Variants in SH3GL2 observed in about 807,000 individuals in gnomAD.
SH3GL2 encodes SH3 domain containing GRB2 like 2, endophilin A1, also known as endophilin-A1.
SH3GL2 carries 24 observed loss-of-function variants against 46.0 expected under a neutral mutation model. That is an observed-to-expected ratio of 0.52 (90% CI 0.38 to 0.73). The LOEUF (loss-of-function observed/expected upper bound fraction) is 0.73. Among genes scored for constraint, SH3GL2 ranks in the 30% least tolerant of loss-of-function variants. SH3GL2 has a pLI of 0.00. For synonymous variants in SH3GL2, 196 were observed against 147.1 expected (o/e 1.33, Z -2.40); for missense variants, 413 against 424.2 (o/e 0.97, Z 0.23).
At chr9:17,579,399 C>G (rs967360912) in intron 1 of SH3GL2, 112 bp downstream of exon 1, 5 of 520,868 alleles carry the variant, frequency 9.6e-6, no homozygotes, top group Middle Eastern at 4.9e-4. Context: ...GAGCCTCGCC[C>G]GCGCCGGCCG....
intron 1 of SH3GL2, among the ~76,000 whole-genome samples, chr9:17,717,359 C>T (rs1821788591): frequency 6.6e-6 from 1 of 152,086 alleles, no homozygotes; most frequent in Non-Finnish European, 1.5e-5. Context: ...TACTAACCTC[C>T]ATCCAAATTT....
chr9:17,701,744 T>C (rs1332806244), intron 1 of SH3GL2, among the ~76,000 whole-genome samples: 1 of 152,092 alleles, frequency 6.6e-6, no homozygotes, highest in Non-Finnish European at 1.5e-5. Context: ...TAGCTATAAA[T>C]GATATAATTT....
chr9:17,655,507 A>G (rs1482397288), intron 1 of SH3GL2, among the ~76,000 whole-genome samples: 2 of 152,196 alleles, frequency 1.3e-5, no homozygotes, highest in African/African-American at 4.8e-5. Flanking sequence ...TTATGCACCT[A>G]TATAAGTTGA....
intron 2 of SH3GL2, among the ~76,000 whole-genome samples, chr9:17,752,056 C>G (rs181599614): frequency 2.0e-5 from 3 of 152,302 alleles, no homozygotes; most frequent in African/African-American, 7.2e-5. Context: ...GCAATCACAG[C>G]ATTCTAATAA....
chr9:17,787,562 T>C, intron 5 of SH3GL2, 49 bp downstream of exon 5: 1 of 1,493,800 alleles, frequency 6.7e-7, no homozygotes, highest in Non-Finnish European at 9.2e-7. Context: ...ATCATACAGA[T>C]GCAGATGCCT....
chr9:17,660,324 T>C (rs1242642520), intron 1 of SH3GL2, among the ~76,000 whole-genome samples: 1 of 152,206 alleles, frequency 6.6e-6, no homozygotes, highest in Non-Finnish European at 1.5e-5. Flanking sequence ...CCTCAAGCTG[T>C]GTGTCTGTGG....
Position 17,621,171 on chromosome 9 carries a change from A to G in SH3GL2, c.45+41884A>G, listed in dbSNP as rs146234406. On this transcript the variant is annotated intron_variant, in intron 1 of 8. Transcript: ENST00000380607. ...AGTTGTATCATGATTTGGGTTATCA[A>G]TAATCTGTGAATGTATAGATTGTTG... 2.3e-3 allele frequency among the ~76,000 whole-genome samples: 347 copies of G among 152,328 alleles called. 2 individuals carry two copies. Among genetic ancestry groups the G allele is most frequent in the African/African-American group, 8.0e-3 (333 of 41,562 alleles).
At chr9:17,763,565 A>G (rs1453474513) in intron 3 of SH3GL2, among the ~76,000 whole-genome samples, 1 of 152,152 alleles carries the variant, frequency 6.6e-6, no homozygotes, top group Non-Finnish European at 1.5e-5. Flanking sequence ...GACATGAGGA[A>G]GGATTCTCTC....
chr9:17,612,944 C>T (rs187069612), intron 1 of SH3GL2, among the ~76,000 whole-genome samples: 148 of 152,220 alleles, frequency 9.7e-4, no homozygotes, highest in African/African-American at 3.3e-3. Context: ...TGAAATAATA[C>T]AATATATGGT....
chr9:17,680,199 G>T (rs904869806), intron 1 of SH3GL2, among the ~76,000 whole-genome samples: 10 of 152,170 alleles, frequency 6.6e-5, no homozygotes, highest in Admixed American at 6.5e-4. Flanking sequence ...GTTTCAGATG[G>T]AATGGTACCA....
intron 1 of SH3GL2, among the ~76,000 whole-genome samples, chr9:17,682,713 A>G (rs1187154828): frequency 2.0e-5 from 3 of 152,032 alleles, no homozygotes; most frequent in Admixed American, 6.6e-5. Flanking sequence ...ACATGGGCTT[A>G]AATAGGACAC....
chr9:17,697,446 A>G (rs998981753), intron 1 of SH3GL2, among the ~76,000 whole-genome samples: 1 of 151,078 alleles, frequency 6.6e-6, no homozygotes, highest in Non-Finnish European at 1.5e-5. Context: ...CTGATCTCCA[A>G]CTCCTGACCT....
intron 1 of SH3GL2, among the ~76,000 whole-genome samples, chr9:17,683,593 A>G (rs912348208): frequency 6.6e-6 from 1 of 152,060 alleles, no homozygotes; most frequent in African/African-American, 2.4e-5. Context: ...TCCTACCCCT[A>G]TACCCAGGCA....
chr9:17,738,548 G>GTGTATATACATACATATATACATA lies in SH3GL2; in HGVS notation c.46-8515_46-8514insATATACATACATATATACATATGT, dbSNP rs1563833706. ...TATATACATACATATATACATAAGT[G>GTGTATATACATACATATATACATA]TGTGTGTATATACATACATATATAT... is the stretch of plus-strand genomic sequence containing the variant. On this transcript the variant is annotated intron_variant, in intron 1 of 8. Transcript: ENST00000380607. Among the ~76,000 whole-genome samples, 34 of 78,120 alleles carry GTGTATATACATACATATATACATA rather than the reference G, an allele frequency of 4.4e-4. 1 individual carries two copies. Among genetic ancestry groups the GTGTATATACATACATATATACATA allele is most frequent in the African/African-American group, 1.4e-3 (31 of 22,552 alleles). 51.2% of individuals were successfully genotyped at this position (78,120 alleles called of 152,430 possible).
At chr9:17,629,555 A>G (rs919529249) in intron 1 of SH3GL2, among the ~76,000 whole-genome samples, 2 of 152,210 alleles carry the variant, frequency 1.3e-5, no homozygotes, top group African/African-American at 4.8e-5. Flanking sequence ...ACTTCTGGAT[A>G]CAGCTCTGGT....
At position 17,581,367 on chromosome 9, in the gene SH3GL2, T is replaced by A. The variant is rs544471328; in HGVS notation, c.45+2080T>A. Reference sequence around the variant, plus strand: ...CGAATCCAAATGCAGAATCACTGCGTCATTGTCTTCCTTTTACTGAAAAGC... The same window carrying A: ...CGAATCCAAATGCAGAATCACTGCGACATTGTCTTCCTTTTACTGAAAAGC... On this transcript the variant is annotated intron_variant, in intron 1 of 8. Coordinates refer to ENST00000380607, the MANE Select transcript of SH3GL2 (RefSeq NM_003026.5). Among the ~76,000 whole-genome samples, 9 of 152,342 alleles carry A rather than the reference T, an allele frequency of 5.9e-5. No homozygotes were observed. The South Asian group carries it at 1.7e-3, about 28-fold the overall frequency.
At chr9:17,658,836 T>C (rs779529208) in intron 1 of SH3GL2, among the ~76,000 whole-genome samples, 1 of 152,218 alleles carries the variant, frequency 6.6e-6, no homozygotes, top group Non-Finnish European at 1.5e-5. Context: ...CACCACTGCT[T>C]GCTCTACCAA....
chr9:17,742,986 A>G (rs942556167), intron 1 of SH3GL2, among the ~76,000 whole-genome samples: 1 of 152,224 alleles, frequency 6.6e-6, no homozygotes, highest in Non-Finnish European at 1.5e-5. Context: ...GTGGCATCAG[A>G]TAACATTCAG....
chr9:17,622,976 G>GTTTCCTTCCCTTTCCTTTCC (rs1397252845), intron 1 of SH3GL2, among the ~76,000 whole-genome samples: 1 of 78,746 alleles, frequency 1.3e-5, no homozygotes, highest in East Asian at 4.5e-4. Context: ...TTTTCCTTTC[G>GTTTCCTTCCCTTTCCTTTCC]TTTCCTTTCG....
Sources: allele counts gnomAD v4.1 joint callset (sites outside exome capture counted in the v4.1 genomes callset), GRCh38; gene constraint gnomAD v4.1.1; transcripts MANE v1.5; gene names NCBI Gene and HGNC (gene_info 2026-07-23, HGNC 2026-07-21).